Variants in GPATCH1 observed in about 807,000 individuals in gnomAD.
GPATCH1 encodes the protein G patch domain-containing protein 1.
GPATCH1 carries 73 observed loss-of-function variants against 114.9 expected under a neutral mutation model. That is an observed-to-expected ratio of 0.64 (90% CI 0.53 to 0.77). The LOEUF is 0.77. GPATCH1 is among the 30% of genes least tolerant of loss of function. GPATCH1 has a pLI of 0.00. For missense variants in GPATCH1, 1,058 were observed against 1,144.3 expected, an observed-to-expected ratio of 0.92 and a Z score of 1.09; for synonymous variants, 391 against 428.4, an observed-to-expected ratio of 0.91 and a Z score of 1.08.
chr19:33,088,011 A>G, intron 1 of GPATCH1, 123 bp from the exon 2 acceptor site: 1 of 557,102 alleles, frequency 1.8e-6, no homozygotes, highest in East Asian at 3.0e-5. Flanking sequence ...AATTTAAATG[A>G]TTATATTTGA....
Position 33,086,446 on chromosome 19 carries a change from G to A in GPATCH1, c.74-1688G>A, listed in dbSNP as rs367722670. ...GGAGGCTGAGGCTTAGAGTGATGAA[G>A]TAACTTGTTCAAGATGACAAATTTT... On this transcript the variant is annotated intron_variant, in intron 1 of 19. Coordinates refer to ENST00000170564, the MANE Select transcript of GPATCH1 (RefSeq NM_018025.3). Among the ~76,000 whole-genome samples, 45 of 152,128 alleles carry A rather than the reference G, an allele frequency of 3.0e-4. 1 individual carries two copies. In the South Asian group the frequency reaches 8.7e-3, roughly 29 times the overall value.
intron 10 of GPATCH1, among the ~76,000 whole-genome samples, chr19:33,107,870 C>CT (rs2145323560): frequency 6.6e-6 from 1 of 150,884 alleles, no homozygotes; most frequent in African/African-American, 2.4e-5. Flanking sequence ...TTTTATTATA[C>CT]TTTAAGTTCT....
Position 33,117,934 on chromosome 19 carries a change from C to T in GPATCH1, c.2306C>T (p.Ser769Phe). ...ASSSDEKSSSSEDEQGDSEDD... is the reference protein window; with the variant it reads ...ASSSDEKSSSFEDEQGDSEDD... Reference sequence around the variant, plus strand: ...TCCTCAGATGAAAAGTCCTCATCCTCCGAGGATGAGCAAGGTGACAGTGAA... The same window carrying T: ...TCCTCAGATGAAAAGTCCTCATCCTTCGAGGATGAGCAAGGTGACAGTGAA... The change falls in exon 16 of 20, where the codon TCC (serine) becomes TTC (phenylalanine). Residue 769 changes from serine (S) to phenylalanine (F), a missense_variant. Ser to Phe is a radical substitution (Grantham distance 155). Transcript: ENST00000170564. The T allele has an allele frequency of 6.2e-7, 1 of 1,613,872 alleles. No homozygotes were observed. The highest frequency in any genetic ancestry group is 8.5e-7 in the Non-Finnish European group (1 of 1,179,930).
intron 15 of GPATCH1, among the ~76,000 whole-genome samples, 178 bp from the exon 16 acceptor site, chr19:33,117,647 C>T (rs16967815): frequency 0.12 from 18,378 of 152,140 alleles, 1,406 homozygotes; most frequent in Admixed American, 0.27. Context: ...GACTCGGAAA[C>T]ACCACAAAAA....
chr19:33,118,236 G>A (rs911470361), intron 16 of GPATCH1, among the ~76,000 whole-genome samples, 195 bp downstream of exon 16: 1 of 145,712 alleles, frequency 6.9e-6, no homozygotes, highest in African/African-American at 2.6e-5. Context: ...GGAGTACAGT[G>A]GCGCAATCTT....
intron 15 of GPATCH1, among the ~76,000 whole-genome samples, chr19:33,116,953 G>A (rs1427955906): frequency 6.6e-6 from 1 of 152,092 alleles, no homozygotes; most frequent in African/African-American, 2.4e-5. Flanking sequence ...CCAGCACTTT[G>A]GGAGGCTGAG....
At chr19:33,111,650 C>A in intron 11 of GPATCH1, 74 bp from the exon 12 acceptor site, 5 of 1,314,886 alleles carry the variant, frequency 3.8e-6, no homozygotes, top group Non-Finnish European at 4.3e-6. Flanking sequence ...TACAGTGGTG[C>A]CCAGCAGATG....
chr19:33,110,049 GC>G, intron 11 of GPATCH1, 33 bp downstream of exon 11: 1 of 1,550,350 alleles, frequency 6.5e-7, no homozygotes, highest in Non-Finnish European at 8.8e-7. Context: ...CCAAATCTCG[GC>G]CCGGGCGGGG....
rs372301977 is a variant in GPATCH1 at position 33,096,189 on chromosome 19, C to T, written c.613-18C>T. On this transcript the variant is annotated intron_variant, in intron 6 of 19. Coordinates refer to ENST00000170564, the MANE Select transcript of GPATCH1 (RefSeq NM_018025.3). ...ATCCTTCAGTGACTCACCTTAATTCCACTTTAAACGGAAATAGGGTGAAGA... is the reference window on the plus strand; with the variant it reads ...ATCCTTCAGTGACTCACCTTAATTCTACTTTAAACGGAAATAGGGTGAAGA... 11 of 1,609,172 alleles carry T rather than the reference C, an allele frequency of 6.8e-6. No individual in the cohort carries two copies. The highest frequency in any genetic ancestry group is 5.1e-5 in the Admixed American group (3 of 59,106).
intron 1 of GPATCH1, among the ~76,000 whole-genome samples, chr19:33,087,023 C>T (rs1216918293): frequency 2.0e-5 from 3 of 151,862 alleles, no homozygotes; most frequent in Admixed American, 6.6e-5. Flanking sequence ...TTGTTAAGTA[C>T]TTCATAGGCA....
At chr19:33,081,298 GA>G in intron 1 of GPATCH1, 32 bp downstream of exon 1, 2 of 1,519,508 alleles carry the variant, frequency 1.3e-6, no homozygotes, top group Non-Finnish European at 1.8e-6. Flanking sequence ...GGAGCCTGTG[GA>G]AAACAGGCCA....
intron 17 of GPATCH1, among the ~76,000 whole-genome samples, chr19:33,123,182 C>T (rs1973005034): frequency 6.6e-6 from 1 of 151,608 alleles, no homozygotes; most frequent in South Asian, 2.1e-4. Context: ...GGGCGGATCA[C>T]CTGAGGTTGG....
intron 11 of GPATCH1, among the ~76,000 whole-genome samples, chr19:33,111,116 T>C (rs1972847007): frequency 6.6e-6 from 1 of 151,178 alleles, no homozygotes; most frequent in Admixed American, 6.6e-5. Flanking sequence ...CACTGCAACC[T>C]CCACCTCCCA....
At chr19:33,092,769 G>A (rs570648168) in intron 3 of GPATCH1, among the ~76,000 whole-genome samples, 7 of 152,326 alleles carry the variant, frequency 4.6e-5, no homozygotes, top group Non-Finnish European at 8.8e-5. Context: ...AGATACTGTC[G>A]AGAAGAACAC....
At chr19:33,093,743 G>A (rs1972623960) in intron 4 of GPATCH1, among the ~76,000 whole-genome samples, 1 of 152,190 alleles carries the variant, frequency 6.6e-6, no homozygotes, top group Non-Finnish European at 1.5e-5. Context: ...AGGCTGGAGA[G>A]CTGTTAGGAA....
At chr19:33,104,558 T>C (rs1281554347) in intron 9 of GPATCH1, among the ~76,000 whole-genome samples, 1 of 152,122 alleles carries the variant, frequency 6.6e-6, no homozygotes, top group Non-Finnish European at 1.5e-5. Context: ...GGACTTTCAT[T>C]GTGCCAGGGG....
In GPATCH1 at chr19:33,123,645, G is replaced by A. The variant is rs1007520836; in HGVS notation, c.2522-1460G>A. 4.6e-5 allele frequency among the ~76,000 whole-genome samples: 7 copies of A among 151,864 alleles called. No individual in the cohort carries two copies. The East Asian group carries it at 1.2e-3, about 25-fold the overall frequency. On this transcript the variant is annotated intron_variant, in intron 17 of 19. Transcript: ENST00000170564. ...TACATGCCTGTAGTCCCAGCTACTCGGGAAGCCGAGGTAGGAGGATATGTG... is the reference window on the plus strand; with the variant it reads ...TACATGCCTGTAGTCCCAGCTACTCAGGAAGCCGAGGTAGGAGGATATGTG...
In GPATCH1 at chr19:33,102,313, C is replaced by T. The variant is rs192853118; in HGVS notation, c.1080+739C>T. The stretch of plus-strand genomic sequence containing the variant: ...TCGCACCATTGCACTCCAGCTTGGG[C>T]GACAAGAGCAAAACTCCGTATCGAA... On this transcript the variant is annotated intron_variant, in intron 9 of 19. Transcript: ENST00000170564. Among the ~76,000 whole-genome samples, 649 of 151,336 alleles carry T rather than the reference C, an allele frequency of 4.3e-3. 8 individuals are homozygous for T. The highest frequency in any genetic ancestry group is 0.015 in the African/African-American group (601 of 41,184).
intron 7 of GPATCH1, among the ~76,000 whole-genome samples, chr19:33,097,208 T>G (rs904120129): frequency 7.2e-5 from 11 of 152,330 alleles, no homozygotes; most frequent in Admixed American, 2.6e-4. Flanking sequence ...CCTCCCAAAG[T>G]GCTGGGATTA....
Sources: gnomAD v4.1 joint callset for allele counts (sites outside exome capture counted in the v4.1 genomes callset) on GRCh38, gnomAD v4.1.1 for gene constraint, MANE v1.5 for transcripts, NCBI Gene and HGNC (gene_info 2026-07-23, HGNC 2026-07-21) for gene names.